The following KMT5B variants were observed in gnomAD, a reference collection of about 807,000 sequenced individuals.
The protein encoded by KMT5B is lysine methyltransferase 5B, also known as histone-lysine N-methyltransferase KMT5B.
A neutral mutation model predicts 83.2 loss-of-function variants in KMT5B; 10 were observed. The observed-to-expected ratio is 0.12, with a 90% CI of 0.07 to 0.20. KMT5B has a LOEUF of 0.20. Among genes scored for constraint, KMT5B ranks in the 10% least tolerant of loss-of-function variants. The pLI is 1.00. For synonymous variants in KMT5B, 349 were observed against 388.8 expected (o/e 0.90, Z 1.20); for missense variants, 753 against 1,067.2 (o/e 0.71, Z 4.10).
intron 4 of KMT5B, among the ~76,000 whole-genome samples, chr11:68,176,297 T>C (rs1319580514): frequency 1.3e-5 from 2 of 152,182 alleles, no homozygotes; most frequent in Non-Finnish European, 2.9e-5. Flanking sequence ...TTATGCATGA[T>C]GCAGTCATGG....
At chr11:68,198,490 GACAAGA>G (rs1859013266) in intron 1 of KMT5B, among the ~76,000 whole-genome samples, 2 of 131,448 alleles carry the variant, frequency 1.5e-5, no homozygotes, top group Non-Finnish European at 3.2e-5. Flanking sequence ...GACAAGACAA[GACAAGA>G]CAGGGCGGCT....
chr11:68,204,380 C>A (rs1249268732), intron 1 of KMT5B, among the ~76,000 whole-genome samples: 1 of 152,062 alleles, frequency 6.6e-6, no homozygotes, highest in African/African-American at 2.4e-5. Context: ...GCCTTAAATG[C>A]CACTCAAATG....
chr11:68,205,325 A>G (rs1380084973), intron 1 of KMT5B, among the ~76,000 whole-genome samples: 1 of 152,006 alleles, frequency 6.6e-6, no homozygotes, highest in Admixed American at 6.6e-5. Context: ...CTTTAAAAAC[A>G]TAAATAAATA....
At chr11:68,198,541 G>A (rs1473002491) in intron 1 of KMT5B, among the ~76,000 whole-genome samples, 2 of 152,142 alleles carry the variant, frequency 1.3e-5, no homozygotes, top group Non-Finnish European at 2.9e-5. Context: ...TACCACAGAG[G>A]TGCCCCCTCC....
rs1856070735 is a variant in KMT5B at position 68,173,791 on chromosome 11, G to A, written c.653+13C>T. ...TAAATTAAATTAAAGGCTTATACTA[G>A]TAGAATAGTTACCACTCTTTTGTTG... On this transcript the variant is annotated intron_variant, in intron 6 of 10. Transcript: ENST00000304363. 3 of 1,445,946 alleles carry A rather than the reference G, an allele frequency of 2.1e-6. No homozygotes were observed. Among genetic ancestry groups the A allele is most frequent in the Non-Finnish European group, 2.9e-6 (3 of 1,039,000 alleles). 89.6% of individuals were successfully genotyped at this position (1,445,946 alleles called of 1,614,324 possible).
chr11:68,157,607 A>G lies in KMT5B; in HGVS notation c.*81T>C, dbSNP rs1859392831. 1.0e-5 allele frequency: 15 copies of G among 1,482,586 alleles called. No individual in the cohort carries two copies. Among genetic ancestry groups the G allele is most frequent in the East Asian group, 2.3e-5 (1 of 43,444 alleles). 91.8% of individuals were successfully genotyped at this position (1,482,586 alleles called of 1,614,324 possible). On this transcript the variant is annotated 3_prime_UTR_variant, in exon 11 of 11. Transcript: ENST00000304363. Reference sequence around the variant, plus strand: ...AAGGGACAATAGAAGTGCTGCCACTAAACTTTCAGTTGAGGAATAATTGAC... The same window carrying G: ...AAGGGACAATAGAAGTGCTGCCACTGAACTTTCAGTTGAGGAATAATTGAC...
intron 1 of KMT5B, among the ~76,000 whole-genome samples, chr11:68,199,875 G>A (rs1859208943): frequency 6.6e-6 from 1 of 152,206 alleles, no homozygotes; most frequent in African/African-American, 2.4e-5. Context: ...GTAGGAGAAA[G>A]AGGACTCAAA....
chr11:68,190,189 G>T, intron 1 of KMT5B, 37 bp from the exon 2 acceptor site: 3 of 916,300 alleles, frequency 3.3e-6, no homozygotes, highest in South Asian at 1.6e-5. Flanking sequence ...AAACAAAATG[G>T]GGAGATAAAT....
chr11:68,213,564 T>G (rs544069083), upstream of KMT5B: 1 of 150,780 alleles, frequency 6.6e-6, no homozygotes, highest in African/African-American at 2.5e-5. Flanking sequence ...CGGTGCCGCC[T>G]CCGGTTCCCG....
chr11:68,198,436 AAAAG>A (rs1424920111), intron 1 of KMT5B, among the ~76,000 whole-genome samples: 1 of 123,684 alleles, frequency 8.1e-6, no homozygotes, highest in Admixed American at 9.3e-5. Context: ...AGGAAAGGAA[AAAAG>A]ACAAGACAAG....
chr11:68,204,611 G>GTTTTTTTT (rs34315868), intron 1 of KMT5B, among the ~76,000 whole-genome samples: 3 of 106,148 alleles, frequency 2.8e-5, no homozygotes, highest in African/African-American at 7.0e-5. Context: ...TAAATTTCCG[G>GTTTTTTTT]TTTTTTTTTT....
At chr11:68,187,507 T>A (rs1047172910) in intron 2 of KMT5B, among the ~76,000 whole-genome samples, 18 of 152,260 alleles carry the variant, frequency 1.2e-4, no homozygotes, top group African/African-American at 4.3e-4. Context: ...CAAATTTCCT[T>A]GTTAATTTCT....
chr11:68,166,924 A>C, intron 10 of KMT5B, 58 bp downstream of exon 10: 1 of 1,599,594 alleles, frequency 6.3e-7, no homozygotes, highest in Non-Finnish European at 8.5e-7. Flanking sequence ...ACACTTTATA[A>C]AGCAAATTGT....
Position 68,171,178 on chromosome 11 carries a change from A to G in KMT5B, c.841-27T>C. 6.2e-7 allele frequency: 1 copy of G among 1,608,472 alleles called. No individual in the cohort carries two copies. Among genetic ancestry groups the G allele is most frequent in the Non-Finnish European group, 8.5e-7 (1 of 1,178,910 alleles). On this transcript the variant is annotated intron_variant, in intron 8 of 10. Transcript: ENST00000304363. The surrounding 1 kb of genome is among the most constrained non-coding windows in gnomAD (Gnocchi z 5.1). ...TAAAATAAAAGTAACTCAGTAAGAAACTCACACCTGAAGCAAAAACAAAAT... is the reference window on the plus strand; with the variant it reads ...TAAAATAAAAGTAACTCAGTAAGAAGCTCACACCTGAAGCAAAAACAAAAT...
In KMT5B at chr11:68,156,067, A is replaced by G. The variant is rs557427734; in HGVS notation, c.*1621T>C. 1.3e-5 allele frequency: 2 copies of G among 152,344 alleles called. No homozygotes were observed. The highest frequency in any genetic ancestry group is 3.9e-4 in the East Asian group (2 of 5,186). The allele number at this position is 152,344 out of a possible 1,614,324, so 9.4% of individuals were successfully genotyped here. On this transcript the variant is annotated 3_prime_UTR_variant, in exon 11 of 11. Coordinates refer to ENST00000304363, the MANE Select transcript of KMT5B (RefSeq NM_017635.5). ...CAAACCTGGAAACTAGTAGGAATCA[A>G]TTAGTAGTAACAGTAAGCATTGAGA...
chr11:68,206,300 G>GA (rs541368304), intron 1 of KMT5B, among the ~76,000 whole-genome samples: 111 of 152,324 alleles, frequency 7.3e-4, no homozygotes, highest in African/African-American at 2.6e-3. Flanking sequence ...CACGGTTCTA[G>GA]AAACAGATGC....
At chr11:68,161,251 T>C (rs1476662918) in intron 10 of KMT5B, among the ~76,000 whole-genome samples, 1 of 152,200 alleles carries the variant, frequency 6.6e-6, no homozygotes, top group African/African-American at 2.4e-5. Flanking sequence ...ACTCTTCGGC[T>C]AAAGGGTTTC....
Position 68,171,764 on chromosome 11 carries a change from T to G in KMT5B, c.654-55A>C. ...TACTAGTAATTAAATATAGTAAGGC[T>G]TCTTTTAATAAAATAATCCTGACAA... On this transcript the variant is annotated intron_variant, in intron 6 of 10. Transcript: ENST00000304363. This position sits in a 1 kb window ranked among gnomAD's most constrained non-coding sequence, Gnocchi z 5.1. 3 of 1,345,378 alleles carry G rather than the reference T, an allele frequency of 2.2e-6. No homozygotes were observed. Among genetic ancestry groups the G allele is most frequent in the Non-Finnish European group, 3.1e-6 (3 of 964,462 alleles). The allele number at this position is 1,345,378 out of a possible 1,614,324, so 83.3% of individuals were successfully genotyped here.
intron 2 of KMT5B, among the ~76,000 whole-genome samples, chr11:68,187,909 C>G (rs1252018706): frequency 6.6e-6 from 1 of 152,130 alleles, no homozygotes; most frequent in Non-Finnish European, 1.5e-5. Flanking sequence ...CATTCTGGCC[C>G]AATAACATTC....
Sources: gnomAD v4.1 joint callset for allele counts (sites outside exome capture counted in the v4.1 genomes callset) on GRCh38, gnomAD v4.1.1 for gene constraint, Gnocchi (gnomAD v3.1) non-coding constraint, MANE v1.5 for transcripts, NCBI Gene and HGNC (gene_info 2026-07-23, HGNC 2026-07-21) for gene names.